MAF: variants seen among roughly 807,000 people sequenced by gnomAD.
The protein encoded by MAF is MAF bZIP transcription factor.
In MAF, 10 loss-of-function variants were observed where a neutral mutation model predicts 22.0. The observed-to-expected ratio is 0.45, with a 90% CI of 0.28 to 0.77. The LOEUF is 0.77. MAF is among the 30% of genes least tolerant of loss of function. The pLI, the probability that MAF is intolerant of heterozygous loss-of-function variation, is 0.12. For missense variants in MAF, 544 were observed against 548.4 expected, an observed-to-expected ratio of 0.99 and a Z score of 0.08; for synonymous variants, 337 against 255.8, an observed-to-expected ratio of 1.32 and a Z score of -3.03.
At chr16:79,480,175 C>T in the MAF span, among the ~76,000 whole-genome samples, 8 of 152,038 alleles carry the variant, frequency 5.3e-5, no homozygotes, top group South Asian at 2.1e-4. Context: ...ACAGTAAACG[C>T]GTGAGTATCC....
At chr16:79,524,602 T>A in the MAF span, among the ~76,000 whole-genome samples, 1 of 152,230 alleles carries the variant, frequency 6.6e-6, no homozygotes, top group Non-Finnish European at 1.5e-5. Context: ...CATTATACAT[T>A]TTTTAGTTTG....
At chr16:79,523,873 T>G in the MAF span, among the ~76,000 whole-genome samples, 7 of 152,328 alleles carry the variant, frequency 4.6e-5, no homozygotes, top group South Asian at 1.4e-3. Flanking sequence ...CTCAATTAGA[T>G]GATCATTCTT....
the MAF span, among the ~76,000 whole-genome samples, chr16:79,378,614 T>C: frequency 6.6e-6 from 1 of 152,336 alleles, no homozygotes; most frequent in South Asian, 2.1e-4. Context: ...AGGGAATAAA[T>C]GTTTACCCAT....
chr16:79,318,116 A>G, the MAF span, among the ~76,000 whole-genome samples: 1 of 152,196 alleles, frequency 6.6e-6, no homozygotes, highest in East Asian at 1.9e-4. Flanking sequence ...TATGTGAGAA[A>G]TCTCTCTTTT....
chr16:79,412,765 A>C, the MAF span, among the ~76,000 whole-genome samples: 2 of 152,208 alleles, frequency 1.3e-5, no homozygotes, highest in East Asian at 3.9e-4. Context: ...CAGAGCTTAA[A>C]GCTGTCCTAA....
the MAF span, among the ~76,000 whole-genome samples, chr16:79,303,442 C>T: frequency 7.2e-5 from 11 of 152,192 alleles, no homozygotes; most frequent in Admixed American, 1.3e-4. Flanking sequence ...GGGCTCTCAA[C>T]ACTACCCAGG....
At chr16:79,421,255 A>C in the MAF span, among the ~76,000 whole-genome samples, 2 of 152,206 alleles carry the variant, frequency 1.3e-5, no homozygotes, top group Non-Finnish European at 2.9e-5. Flanking sequence ...TCCCTTGTGG[A>C]TAAGCGCTGG....
At chr16:79,564,092 C>T in the MAF span, among the ~76,000 whole-genome samples, 4 of 152,238 alleles carry the variant, frequency 2.6e-5, no homozygotes, top group African/African-American at 9.6e-5. Context: ...AACAGATTCC[C>T]TCCCCCATGG....
the MAF span, among the ~76,000 whole-genome samples, chr16:79,489,136 C>T: frequency 6.6e-6 from 1 of 152,044 alleles, no homozygotes; most frequent in Non-Finnish European, 1.5e-5. Context: ...TCCATCCACT[C>T]ATCCATCCAT....
At chr16:79,274,377 C>T in the MAF span, among the ~76,000 whole-genome samples, 106 of 152,098 alleles carry the variant, frequency 7.0e-4, no homozygotes, top group Non-Finnish European at 1.3e-3. Flanking sequence ...TCTGGTTTAC[C>T]AGCTGAGATT....
chr16:79,442,186 C>T, the MAF span, among the ~76,000 whole-genome samples: 2 of 152,122 alleles, frequency 1.3e-5, no homozygotes, highest in East Asian at 1.9e-4. Flanking sequence ...GATTCTCTTA[C>T]AGCAAGAATA....
chr16:79,596,256 T>C, intron 1 of MAF: 3 of 1,059,822 alleles, frequency 2.8e-6, no homozygotes, highest in Non-Finnish European at 3.4e-6. Flanking sequence ...CTGAAAACTT[T>C]GGGGAGAAAA....
At chr16:79,473,291 C>G in the MAF span, among the ~76,000 whole-genome samples, 2 of 152,122 alleles carry the variant, frequency 1.3e-5, no homozygotes, top group Admixed American at 1.3e-4. Flanking sequence ...GGAACTCTCT[C>G]AAGATGCCAA....
At chr16:79,541,662 GTTTTTTTT>G in the MAF span, among the ~76,000 whole-genome samples, 5 of 123,874 alleles carry the variant, frequency 4.0e-5, no homozygotes, top group Non-Finnish European at 8.6e-5. Flanking sequence ...GGTTTTTTTA[GTTTTTTTT>G]TTTTTTTTTT....
At chr16:79,504,488 TC>T in the MAF span, among the ~76,000 whole-genome samples, 2 of 152,250 alleles carry the variant, frequency 1.3e-5, no homozygotes, top group African/African-American at 4.8e-5. Flanking sequence ...TATTGGGATT[TC>T]TCTGAAGATT....
the MAF span, among the ~76,000 whole-genome samples, chr16:79,291,219 G>C: frequency 6.6e-6 from 1 of 152,154 alleles, no homozygotes; most frequent in African/African-American, 2.4e-5. Context: ...GTGGAGGGCA[G>C]GGAGGTGACC....
the MAF span, chr16:79,203,503 T>A: frequency 6.6e-6 from 1 of 151,908 alleles, no homozygotes; most frequent in Non-Finnish European, 1.5e-5. Context: ...GTGTTTTTTT[T>A]TTTTTTTTTC....
At chr16:79,321,083 C>G in the MAF span, among the ~76,000 whole-genome samples, 3 of 152,166 alleles carry the variant, frequency 2.0e-5, no homozygotes, top group South Asian at 6.2e-4. Context: ...TCATTACTGT[C>G]CGTTTGTTTA....
the MAF span, among the ~76,000 whole-genome samples, chr16:79,439,028 C>A: frequency 1.3e-5 from 2 of 152,100 alleles, no homozygotes; most frequent in African/African-American, 4.8e-5. Context: ...AAAGCCCCTT[C>A]TATCTTAAAG....
Sources: allele counts gnomAD v4.1 joint callset (sites outside exome capture counted in the v4.1 genomes callset), GRCh38; gene constraint gnomAD v4.1.1; transcripts MANE v1.5; gene names NCBI Gene and HGNC (gene_info 2026-07-23, HGNC 2026-07-21).